PRKCA: variants seen among roughly 807,000 people sequenced by gnomAD.
The protein encoded by PRKCA is protein kinase C alpha type.
PRKCA carries 27 observed loss-of-function variants against 87.0 expected under a neutral mutation model. The ratio of observed to expected loss-of-function variants is 0.31; its 90% CI spans 0.23 to 0.43. PRKCA has a LOEUF of 0.43. Among genes scored for constraint, PRKCA ranks in the 20% least tolerant of loss-of-function variants. The pLI, the probability that PRKCA is intolerant of heterozygous loss-of-function variation, is 1.00. For synonymous variants in PRKCA, 329 were observed against 311.1 expected (o/e 1.06, Z -0.61); for missense variants, 518 against 852.3 (o/e 0.61, Z 4.88).
At chr17:66,662,496 C>T (rs1019966800) in intron 5 of PRKCA, among the ~76,000 whole-genome samples, 1 of 152,224 alleles carries the variant, frequency 6.6e-6, no homozygotes, top group South Asian at 2.1e-4. Context: ...AGTTTTACAT[C>T]CAAGATACTC....
intron 3 of PRKCA, among the ~76,000 whole-genome samples, chr17:66,497,510 G>C (rs1300006026): frequency 6.7e-6 from 1 of 148,370 alleles, no homozygotes; most frequent in South Asian, 2.1e-4. Context: ...AAAAAAAAAA[G>C]GATCCACAAA....
rs960793784 is a variant in PRKCA, at chr17:66,665,602, A to G, written c.529+20091A>G. 3.3e-5 allele frequency among the ~76,000 whole-genome samples: 5 copies of G among 152,068 alleles called. No individual in the cohort carries two copies. In the East Asian group the frequency reaches 9.7e-4, roughly 29 times the overall value. On this transcript the variant is annotated intron_variant, in intron 5 of 16. Coordinates refer to ENST00000413366, the MANE Select transcript of PRKCA (RefSeq NM_002737.3). ...ATTTCTCAAAGTGTGCTGCTGGTCT[A>G]CCTGGAGTGGGGTAGAGTACTTCCC...
chr17:66,499,849 T>G (rs747924387), intron 3 of PRKCA, among the ~76,000 whole-genome samples: 7 of 152,182 alleles, frequency 4.6e-5, no homozygotes, highest in Non-Finnish European at 1.0e-4. Flanking sequence ...CAAAAGATCA[T>G]GCATTCACCC....
At chr17:66,794,722 G>A (rs1975627106) in intron 16 of PRKCA, among the ~76,000 whole-genome samples, 1 of 149,988 alleles carries the variant, frequency 6.7e-6, no homozygotes, top group African/African-American at 2.4e-5. Flanking sequence ...CCAGGTTCAA[G>A]CAATTCTCCT....
intron 3 of PRKCA, among the ~76,000 whole-genome samples, chr17:66,501,344 C>CAATTGGCCCTTCTGGATG (rs1916721023): frequency 6.6e-6 from 1 of 152,180 alleles, no homozygotes. Flanking sequence ...GCCAATTTCT[C>CAATTGGCCCTTCTGGATG]AAGGGTCCTC....
chr17:66,619,875 C>T (rs2143687068), intron 3 of PRKCA, among the ~76,000 whole-genome samples: 1 of 148,676 alleles, frequency 6.7e-6, no homozygotes, highest in African/African-American at 2.5e-5. Flanking sequence ...CCTTTCTTTG[C>T]TTTCTTAATC....
chr17:66,802,752 A>G (rs1975929395), intron 16 of PRKCA, among the ~76,000 whole-genome samples: 1 of 152,158 alleles, frequency 6.6e-6, no homozygotes, highest in Non-Finnish European at 1.5e-5. Flanking sequence ...AGATGAGCAA[A>G]CTTGGTGGAC....
At position 66,735,626 on chromosome 17, in the gene PRKCA, G is replaced by A. The variant is rs761333063; in HGVS notation, c.1194G>A (p.Pro398=). 53 of 1,613,984 alleles carry A rather than the reference G, an allele frequency of 3.3e-5. No individual in the cohort carries two copies. Among genetic ancestry groups the A allele is most frequent in the South Asian group, 4.4e-5 (4 of 91,076 alleles). Reference sequence around the variant, plus strand: ...TCTTGGCCCTGCTTGACAAACCCCCGTTCTTGACGCAGCTGCACTCCTGCT... The same window carrying A: ...TCTTGGCCCTGCTTGACAAACCCCCATTCTTGACGCAGCTGCACTCCTGCT... ...KRVLALLDKP[P]FLTQLHSCFQ... Residue 398 remains proline, a synonymous_variant, in exon 10 of 17, where the codon CCG becomes CCA. Transcript: ENST00000413366.
At chr17:66,741,615 C>T in intron 11 of PRKCA, 44 bp from the exon 12 acceptor site, 1 of 1,599,432 alleles carries the variant, frequency 6.3e-7, no homozygotes. Context: ...ATACAGGCAT[C>T]TAAGGAAGCA....
Position 66,593,473 on chromosome 17 carries a change from C to T in PRKCA, c.289-47882C>T, listed in dbSNP as rs1969878415. Among the ~76,000 whole-genome samples the T allele has an allele frequency of 1.3e-5, 2 of 152,142 alleles. 1 individual carries two copies. The highest frequency in any genetic ancestry group is 4.1e-4 in the South Asian group (2 of 4,832). ...TGTGCACAGCCCACTAGCCCAAGCC[C>T]AGTAAAGCAGTTGCATATAACTGCA... On this transcript the variant is annotated intron_variant, in intron 3 of 16. Coordinates refer to ENST00000413366, the MANE Select transcript of PRKCA (RefSeq NM_002737.3).
chr17:66,620,912 C>A (rs1228275590), intron 3 of PRKCA, among the ~76,000 whole-genome samples: 1 of 152,198 alleles, frequency 6.6e-6, no homozygotes, highest in Non-Finnish European at 1.5e-5. Flanking sequence ...CTGAAAATAA[C>A]TCAGCTCTGA....
At chr17:66,670,874 A>T (rs574858492) in intron 5 of PRKCA, among the ~76,000 whole-genome samples, 73 of 152,128 alleles carry the variant, frequency 4.8e-4, no homozygotes, top group African/African-American at 1.5e-3. Context: ...AAATAAATTT[A>T]AAAAAATTAT....
intron 5 of PRKCA, among the ~76,000 whole-genome samples, chr17:66,663,520 C>A (rs986471880): frequency 6.6e-6 from 1 of 152,168 alleles, no homozygotes; most frequent in Non-Finnish European, 1.5e-5. Flanking sequence ...CCGCTGCCCT[C>A]GCTAGTTCCT....
intron 2 of PRKCA, chr17:66,339,859 T>C (rs1268095980): frequency 6.6e-6 from 1 of 152,216 alleles, no homozygotes; most frequent in East Asian, 1.9e-4. Context: ...TGCATGGAAA[T>C]GGCAACCAAG....
intron 2 of PRKCA, among the ~76,000 whole-genome samples, chr17:66,329,876 C>T (rs991175871): frequency 6.6e-6 from 1 of 152,132 alleles, no homozygotes; most frequent in Non-Finnish European, 1.5e-5. Context: ...TGTCTTTGAT[C>T]GAAATGTCGA....
intron 3 of PRKCA, among the ~76,000 whole-genome samples, chr17:66,573,954 A>T (rs889068688): frequency 6.6e-6 from 1 of 152,186 alleles, no homozygotes; most frequent in African/African-American, 2.4e-5. Flanking sequence ...ACAGACCCCC[A>T]TCTCTAAAAA....
intron 12 of PRKCA, 100 bp from the exon 13 acceptor site, chr17:66,742,522 T>G: frequency 4.1e-5 from 52 of 1,256,794 alleles, no homozygotes; most frequent in Non-Finnish European, 5.2e-5. Flanking sequence ...ATATTGCCAT[T>G]GAGCTGACAG....
At position 66,476,292 on chromosome 17, in the gene PRKCA, T is replaced by C. The variant is rs1406987654; in HGVS notation, c.206-19909T>C. On this transcript the variant is annotated intron_variant, in intron 2 of 16. Coordinates refer to ENST00000413366, the MANE Select transcript of PRKCA (RefSeq NM_002737.3). ...GTGGTCACACTTTGAGGGCCTTCAG[T>C]TGGTGTTGAAGAGGAGATGGCGGGC... Among the ~76,000 whole-genome samples, 5 of 152,142 alleles carry C rather than the reference T, an allele frequency of 3.3e-5. No homozygotes were observed. The East Asian group carries it at 9.6e-4, about 29-fold the overall frequency.
intron 14 of PRKCA, among the ~76,000 whole-genome samples, chr17:66,779,495 A>T (rs1192397109): frequency 1.3e-5 from 2 of 151,700 alleles, no homozygotes; most frequent in African/African-American, 4.8e-5. Context: ...TTTCACTCCT[A>T]CTGAATCAGT....
Sources: allele counts gnomAD v4.1 joint callset (sites outside exome capture counted in the v4.1 genomes callset), GRCh38; gene constraint gnomAD v4.1.1; transcripts MANE v1.5; gene names NCBI Gene and HGNC (gene_info 2026-07-23, HGNC 2026-07-21).